The following BPIFA2 variants were observed in gnomAD, a reference collection of about 807,000 sequenced individuals.
The protein encoded by BPIFA2 is BPI fold-containing family A member 2.
A neutral mutation model predicts 25.7 loss-of-function variants in BPIFA2; 20 were observed. The ratio of observed to expected loss-of-function variants is 0.78; its 90% CI spans 0.55 to 1.13. BPIFA2 has a LOEUF of 1.13. Ranked by LOEUF, BPIFA2 falls within the 50% of genes most tolerant of loss-of-function variation. The pLI is 0.00. For synonymous variants in BPIFA2, 126 were observed against 124.3 expected (o/e 1.01, Z -0.09); for missense variants, 300 against 298.1 (o/e 1.01, Z -0.05).
chr20:33,163,434 T>C (rs888489378), upstream of BPIFA2, among the ~76,000 whole-genome samples: 1 of 152,098 alleles, frequency 6.6e-6, no homozygotes, highest in African/African-American at 2.4e-5. Flanking sequence ...TGAAGGGATT[T>C]CTCTGACACA....
intron 2 of BPIFA2, 149 bp from the exon 3 acceptor site, chr20:33,172,782 TA>T (rs1568607938): frequency 3.5e-6 from 3 of 868,482 alleles, no homozygotes; most frequent in South Asian, 2.0e-5. Flanking sequence ...TCCTTAGCTA[TA>T]AAAAAGCAGA....
intron 2 of BPIFA2, among the ~76,000 whole-genome samples, chr20:33,170,751 C>T (rs540591282): frequency 5.9e-5 from 9 of 152,296 alleles, no homozygotes; most frequent in Non-Finnish European, 7.3e-5. Context: ...ACACTTTGTC[C>T]TCCTCCTCCT....
upstream of BPIFA2, among the ~76,000 whole-genome samples, chr20:33,164,806 G>C (rs1284832583): frequency 6.6e-6 from 1 of 152,206 alleles, no homozygotes; most frequent in African/African-American, 2.4e-5. Flanking sequence ...AGACTTCAAA[G>C]GACCCAGGGG....
In BPIFA2 at chr20:33,170,093, C is replaced by T. The variant is rs535323617; in HGVS notation, c.157+791C>T. Among the ~76,000 whole-genome samples the T allele has an allele frequency of 1.6e-4, 24 of 152,296 alleles. 1 individual carries two copies. In the East Asian group the frequency reaches 4.4e-3, roughly 28 times the overall value. On this transcript the variant is annotated intron_variant, in intron 2 of 8. Coordinates refer to ENST00000354932, the MANE Select transcript of BPIFA2 (RefSeq NM_080574.4). ...GTAACTTTCAAAGATGCAGAAAGGA[C>T]TCACACTCTAATTTCACAGCTGAGA...
chr20:33,173,407 G>A lies in BPIFA2; in HGVS notation c.302+331G>A, dbSNP rs551350824. Among the ~76,000 whole-genome samples the A allele has an allele frequency of 1.2e-4, 19 of 152,296 alleles. No homozygotes were observed. The East Asian group carries it at 3.7e-3, about 29-fold the overall frequency. Reference sequence around the variant, plus strand: ...ACTTCCCTTTTCCATATATAACTGGGGGTAAAAGCCCAGATCCCCTTAGGG... The same window carrying A: ...ACTTCCCTTTTCCATATATAACTGGAGGTAAAAGCCCAGATCCCCTTAGGG... On this transcript the variant is annotated intron_variant, in intron 3 of 8. Coordinates refer to ENST00000354932, the MANE Select transcript of BPIFA2 (RefSeq NM_080574.4).
At chr20:33,175,236 T>G (rs921539931) in intron 4 of BPIFA2, among the ~76,000 whole-genome samples, 171 bp from the exon 5 acceptor site, 3 of 152,228 alleles carry the variant, frequency 2.0e-5, no homozygotes, top group African/African-American at 7.2e-5. Flanking sequence ...AAGAAGCCCC[T>G]AATATAAACA....
chr20:33,174,791 G>A lies in BPIFA2; in HGVS notation c.410+605G>A, dbSNP rs1027359182. On this transcript the variant is annotated intron_variant, in intron 4 of 8. Coordinates refer to ENST00000354932, the MANE Select transcript of BPIFA2 (RefSeq NM_080574.4). ...CCAGGTGTGGCAGCACACGCCTGTA[G>A]TCCCAGCTACTTGGGAGGCTGAGGC... Among the ~76,000 whole-genome samples, 56 of 152,156 alleles carry A rather than the reference G, an allele frequency of 3.7e-4. 1 individual carries two copies. Among genetic ancestry groups the A allele is most frequent in the Admixed American group, 3.0e-3 (46 of 15,270 alleles).
At chr20:33,179,537 G>C in intron 6 of BPIFA2, 67 bp from the exon 7 acceptor site, 1 of 1,381,336 alleles carries the variant, frequency 7.2e-7, no homozygotes, top group Non-Finnish European at 1.0e-6. Flanking sequence ...TTTGTTCTCA[G>C]CTGAGAAGAA....
rs143248492 is a variant in BPIFA2, at chr20:33,173,065, G to A, written c.291G>A (p.Thr97=). The change falls in exon 3 of 9, where the codon ACG becomes ACA. Residue 97 remains threonine (T), a synonymous_variant. Coordinates refer to ENST00000354932, the MANE Select transcript of BPIFA2 (RefSeq NM_080574.4). ...NVISKLLPTN[T]DIFGLKISNS... is the part of the protein sequence containing the mutation. Reference sequence around the variant, plus strand: ...TTTCTAAGCTGCTTCCAACTAACACGGACATTTTTGGGTGAGTTGGTCCTT... The same window carrying A: ...TTTCTAAGCTGCTTCCAACTAACACAGACATTTTTGGGTGAGTTGGTCCTT... 2.0e-4 allele frequency: 316 copies of A among 1,613,666 alleles called. 5 individuals are homozygous for A. In the African/African-American group the frequency reaches 3.0e-3, roughly 15 times the overall value.
At chr20:33,174,049 T>C in intron 3 of BPIFA2, 30 bp from the exon 4 acceptor site, 1 of 1,588,524 alleles carries the variant, frequency 6.3e-7, no homozygotes, top group Non-Finnish European at 8.6e-7. Flanking sequence ...TCATGAGGAG[T>C]GACAAGGGTG....
intron 4 of BPIFA2, 93 bp downstream of exon 4, chr20:33,174,279 TG>T: frequency 4.7e-6 from 5 of 1,062,926 alleles, no homozygotes; most frequent in Non-Finnish European, 7.2e-6. Context: ...CTCCCGCTGC[TG>T]GGTGAACTTG....
intron 1 of BPIFA2, among the ~76,000 whole-genome samples, chr20:33,163,138 G>T (rs981084088): frequency 1.3e-5 from 2 of 152,218 alleles, no homozygotes; most frequent in African/African-American, 4.8e-5. Flanking sequence ...GAGACGCTCT[G>T]TAAGTGTGTG....
At chr20:33,165,658 T>G (rs1983701427), upstream of BPIFA2, among the ~76,000 whole-genome samples, 1 of 152,238 alleles carries the variant, frequency 6.6e-6, no homozygotes, top group East Asian at 1.9e-4. Context: ...CTGCCCCAGC[T>G]GGGGATTAGC....
chr20:33,163,915 A>G (rs1398413959), upstream of BPIFA2, among the ~76,000 whole-genome samples: 1 of 152,180 alleles, frequency 6.6e-6, no homozygotes, highest in African/African-American at 2.4e-5. Context: ...GTGTGACCTT[A>G]GGCAGTACAC....
At chr20:33,177,806 G>A (rs6088130) in intron 5 of BPIFA2, among the ~76,000 whole-genome samples, 1 of 152,272 alleles carries the variant, frequency 6.6e-6, no homozygotes, top group Non-Finnish European at 1.5e-5. Context: ...TTAATGTTTA[G>A]GTACCAGGTT....
chr20:33,165,754 G>A (rs145255867), upstream of BPIFA2, among the ~76,000 whole-genome samples: 188 of 152,276 alleles, frequency 1.2e-3, 5 homozygotes, highest in East Asian at 0.033. Context: ...AATTCATCTC[G>A]CGACCCTCAT....
chr20:33,169,402 C>A (rs754860791), intron 2 of BPIFA2, 100 bp downstream of exon 2: 1 of 1,231,480 alleles, frequency 8.1e-7, no homozygotes, highest in Non-Finnish European at 1.1e-6. Flanking sequence ...TCTTTATGGG[C>A]GGTTTACTGA....
At chr20:33,168,092 T>G (rs1255625563), upstream of BPIFA2, 4 of 152,164 alleles carry the variant, frequency 2.6e-5, no homozygotes, top group Admixed American at 2.0e-4. Context: ...AACCAAGGCT[T>G]GCTTCTGTGG....
chr20:33,166,435 C>T (rs562173250), upstream of BPIFA2, among the ~76,000 whole-genome samples: 22 of 152,324 alleles, frequency 1.4e-4, no homozygotes, highest in Admixed American at 5.9e-4. Flanking sequence ...GCATCTTCTT[C>T]GCCATCTTTG....
Sources: gnomAD v4.1 joint callset for allele counts (sites outside exome capture counted in the v4.1 genomes callset) on GRCh38, gnomAD v4.1.1 for gene constraint, MANE v1.5 for transcripts, NCBI Gene and HGNC (gene_info 2026-07-23, HGNC 2026-07-21) for gene names.